The following TMEM14B variants were observed in gnomAD, a reference collection of about 807,000 sequenced individuals.
The protein encoded by TMEM14B is transmembrane protein 14B.
Under a neutral mutation model 14.8 loss-of-function variants are expected in TMEM14B, and 9 were observed. The ratio of observed to expected loss-of-function variants is 0.61; its 90% CI spans 0.37 to 1.06. The LOEUF is 1.06. TMEM14B is among the 50% of genes least tolerant of loss of function. TMEM14B has a pLI of 0.01. For synonymous variants in TMEM14B, 40 were observed against 51.3 expected (o/e 0.78, Z 0.94); for missense variants, 128 against 143.6 (o/e 0.89, Z 0.56).
chr6:10,755,337 G>A, intron 5 of TMEM14B, 105 bp downstream of exon 5: 1 of 1,578,438 alleles, frequency 6.3e-7, no homozygotes, highest in Non-Finnish European at 8.6e-7. Context: ...CTGATGCTAT[G>A]CATCAACTGA....
rs759080428 is a variant in TMEM14B, at chr6:10,756,483, A to G, written c.310A>G (p.Lys104Glu). 9 of 1,614,014 alleles carry G rather than the reference A, an allele frequency of 5.6e-6. No individual in the cohort carries two copies. In the South Asian group the frequency reaches 9.9e-5, roughly 18 times the overall value. ...IAGASLLMAA[K>E]VGVRMLMTSD is the part of the protein sequence containing the mutation. Reference sequence around the variant, plus strand: ...TTTAAACAGTTTGCTGATGGCCGCCAAAGTTGGAGTTCGTATGTTGATGAC... The same window carrying G: ...TTTAAACAGTTTGCTGATGGCCGCCGAAGTTGGAGTTCGTATGTTGATGAC... The change falls in exon 6 of 6, where the codon AAA becomes GAA. Residue 104 changes from lysine to glutamate, a missense_variant. Physicochemically the swap from Lys to Glu is moderately conservative, Grantham distance 56. Transcript: ENST00000379542.
chr6:10,758,420 T>G (rs946779616), downstream of TMEM14B, among the ~76,000 whole-genome samples: 2 of 152,154 alleles, frequency 1.3e-5, no homozygotes, highest in Non-Finnish European at 2.9e-5. Context: ...CCTGGAAAAT[T>G]CTAAGGCTGC....
intron 4 of TMEM14B, among the ~76,000 whole-genome samples, chr6:10,753,686 C>T (rs1771680452): frequency 6.6e-6 from 1 of 152,014 alleles, no homozygotes; most frequent in African/African-American, 2.4e-5. Context: ...CGGACCTAAC[C>T]TCATGGCCAC....
intron 2 of TMEM14B, 64 bp from the exon 3 acceptor site, chr6:10,749,558 A>G: frequency 6.4e-7 from 1 of 1,569,528 alleles, no homozygotes; most frequent in Non-Finnish European, 8.8e-7. Flanking sequence ...ATCCTATGAC[A>G]ATATGGTTTG....
Position 10,756,835 on chromosome 6 carries a change from C to G in TMEM14B, c.*317C>G, listed in dbSNP as rs139416113. The G allele has an allele frequency of 2.2e-4, 220 of 1,014,338 alleles. No individual in the cohort carries two copies. The African/African-American group carries it at 3.2e-3, about 15-fold the overall frequency. 62.8% of individuals were successfully genotyped at this position (1,014,338 alleles called of 1,614,324 possible). A position where few individuals can be genotyped will look rare whatever the true frequency, so the allele number is the denominator to read the frequency against. ...GTGTTGACATTGAGAACCCTGAAAC[C>G]CCATTCCCTGCTCAGAGGAACAGTG... On this transcript the variant is annotated 3_prime_UTR_variant, in exon 6 of 6. Coordinates refer to ENST00000379542, the MANE Select transcript of TMEM14B (RefSeq NM_030969.5).
chr6:10,753,673 G>A (rs1274157337), intron 4 of TMEM14B, among the ~76,000 whole-genome samples: 1 of 151,798 alleles, frequency 6.6e-6, no homozygotes, highest in Non-Finnish European at 1.5e-5. Flanking sequence ...CCAGGAATCT[G>A]CCCGGACCTA....
chr6:10,751,166 T>C lies in TMEM14B; in HGVS notation c.134T>C (p.Phe45Ser), dbSNP rs1227032785. The C allele has an allele frequency of 6.2e-7, 1 of 1,613,966 alleles. No individual in the cohort carries two copies. The highest frequency in any genetic ancestry group is 8.5e-7 in the Non-Finnish European group (1 of 1,180,020). The change falls in exon 4 of 6, where the codon TTC becomes TCC. Residue 45 changes from phenylalanine (F) to serine (S), a missense_variant. Transcript: ENST00000379542. The stretch of plus-strand genomic sequence containing the variant: ...CCGTCCCTGGCTGCAGGGCTGCTCT[T>C]CGGCAGTCTAGCCGGCCTGGGTGCT... ...SVPSLAAGLLFGSLAGLGAYQ... is the reference protein window; with the variant it reads ...SVPSLAAGLLSGSLAGLGAYQ...
At chr6:10,753,334 G>A (rs1771667482) in intron 4 of TMEM14B, among the ~76,000 whole-genome samples, 1 of 152,074 alleles carries the variant, frequency 6.6e-6, no homozygotes. Context: ...AGCTCTCCCT[G>A]AGGCTGCCAG....
At position 10,752,632 on chromosome 6, in the gene TMEM14B, T is replaced by C. The variant is rs565003507; in HGVS notation, c.202+1398T>C. Among the ~76,000 whole-genome samples the C allele has an allele frequency of 2.0e-5, 3 of 151,940 alleles. No homozygotes were observed. In the South Asian group the frequency reaches 6.2e-4, roughly 32 times the overall value. On this transcript the variant is annotated intron_variant, in intron 4 of 5. Coordinates refer to ENST00000379542, the MANE Select transcript of TMEM14B (RefSeq NM_030969.5). Reference sequence around the variant, plus strand: ...CCACCATGTCAGGCTAACGTTTGCATTTTTAGCAGGTGCAGGGTTTTTGCC... The same window carrying C: ...CCACCATGTCAGGCTAACGTTTGCACTTTTAGCAGGTGCAGGGTTTTTGCC...
chr6:10,749,500 T>G (rs915517426), intron 2 of TMEM14B, 122 bp from the exon 3 acceptor site: 6 of 1,213,404 alleles, frequency 4.9e-6, no homozygotes, highest in East Asian at 4.7e-5. Context: ...TCAGTGATAG[T>G]ACCTGTGGGC....
At chr6:10,748,726 C>T (rs1370859017) in intron 1 of TMEM14B, among the ~76,000 whole-genome samples, 4 of 151,932 alleles carry the variant, frequency 2.6e-5, no homozygotes, top group African/African-American at 9.7e-5. Context: ...GCCCTCCTAA[C>T]GAGAACTGTG....
rs145642590 is a variant in TMEM14B, at chr6:10,749,185, C to T, written c.-44-17C>T. ...GCTGTGCTTTTAACCACTGCTGATC[C>T]GGCTTGTTTTCCCCAGATGCAGGCC... On this transcript the variant is annotated splice_polypyrimidine_tract_variant and intron_variant, in intron 1 of 5. Coordinates refer to ENST00000379542, the MANE Select transcript of TMEM14B (RefSeq NM_030969.5). 1.3e-4 allele frequency: 210 copies of T among 1,585,602 alleles called. No homozygotes were observed. In the African/African-American group the frequency reaches 1.9e-3, roughly 14 times the overall value.
chr6:10,749,058 A>G, intron 1 of TMEM14B, 144 bp from the exon 2 acceptor site: 2 of 572,662 alleles, frequency 3.5e-6, no homozygotes, highest in South Asian at 4.7e-5. Context: ...CAACACCCCC[A>G]GGAAATTGGT....
chr6:10,758,453 C>G (rs1007636187), downstream of TMEM14B, among the ~76,000 whole-genome samples: 4 of 152,206 alleles, frequency 2.6e-5, no homozygotes, highest in African/African-American at 9.7e-5. Context: ...GGCAGGAGAT[C>G]TTCATAGCCC....
chr6:10,757,147 C>A (rs1157909805), downstream of TMEM14B, among the ~76,000 whole-genome samples: 1 of 151,606 alleles, frequency 6.6e-6, no homozygotes, highest in East Asian at 1.9e-4. Flanking sequence ...AAGCTTGTTT[C>A]AAAAATGATC....
chr6:10,753,665 A>G (rs543636922), intron 4 of TMEM14B, among the ~76,000 whole-genome samples: 1 of 151,950 alleles, frequency 6.6e-6, no homozygotes, highest in South Asian at 2.1e-4. Context: ...AGATGTCTCC[A>G]GGAATCTGCC....
intron 5 of TMEM14B, 181 bp downstream of exon 5, chr6:10,755,413 G>A: frequency 6.7e-7 from 1 of 1,492,662 alleles, no homozygotes. Flanking sequence ...CAAATGACAT[G>A]AGTATATCCA....
rs753123078 is a variant in TMEM14B, at chr6:10,755,125, C to T, written c.203-17C>T. ...AGAAGACTAATGAGTTTTGACCCTT[C>T]TTTGTATCTTTTTCAGCCGCTACAT... On this transcript the variant is annotated splice_polypyrimidine_tract_variant and intron_variant, in intron 4 of 5. Transcript: ENST00000379542. 36 of 1,612,598 alleles carry T rather than the reference C, an allele frequency of 2.2e-5. No homozygotes were observed. The highest frequency in any genetic ancestry group is 8.3e-5 in the Admixed American group (5 of 59,952).
intron 4 of TMEM14B, among the ~76,000 whole-genome samples, chr6:10,754,528 C>G (rs867950675): frequency 3.3e-5 from 5 of 152,248 alleles, no homozygotes; most frequent in Admixed American, 6.5e-5. Flanking sequence ...TCAGTCTTCA[C>G]TTCCTTGGCT....
Sources: gnomAD v4.1 joint callset for allele counts (sites outside exome capture counted in the v4.1 genomes callset) on GRCh38, gnomAD v4.1.1 for gene constraint, MANE v1.5 for transcripts, NCBI Gene and HGNC (gene_info 2026-07-23, HGNC 2026-07-21) for gene names.